ERP29: variants seen among roughly 807,000 people sequenced by gnomAD.
The protein encoded by ERP29 is endoplasmic reticulum protein 29, also known as endoplasmic reticulum resident protein 29.
A neutral mutation model predicts 21.7 loss-of-function variants in ERP29; 14 were observed. That is an observed-to-expected ratio of 0.64 (90% confidence interval 0.43 to 1.01). The LOEUF (loss-of-function observed/expected upper bound fraction) is 1.01, where lower values mean the gene tolerates loss of function less well. Ranked by LOEUF, ERP29 falls within the 50% of genes least tolerant of loss-of-function variation. The probability of loss-of-function intolerance (pLI) is 0.00; values close to 1 mark genes in which losing one functional copy is unlikely to be tolerated. For missense variants in ERP29, 286 were observed against 327.3 expected, an observed-to-expected ratio of 0.87 and a Z score of 0.97; for synonymous variants, 129 against 139.1, an observed-to-expected ratio of 0.93 and a Z score of 0.51.
At chr12:112,018,150 TAGAGAG>T (rs951531568) in intron 1 of ERP29, among the ~76,000 whole-genome samples, 1 of 150,936 alleles carries the variant, frequency 6.6e-6, no homozygotes, top group Non-Finnish European at 1.5e-5. Context: ...TTTTTCTTTT[TAGAGAG>T]AGAGAGAGAG....
At chr12:112,019,712 A>G in intron 1 of ERP29, 44 bp from the exon 2 acceptor site, 6 of 1,613,784 alleles carry the variant, frequency 3.7e-6, no homozygotes, top group Non-Finnish European at 4.2e-6. Context: ...ATTAGCCCCA[A>G]AAGTCCCTGG....
At chr12:112,021,525 T>TTTTTTTTTTTC (rs1230220725) in intron 2 of ERP29, among the ~76,000 whole-genome samples, 1 of 137,088 alleles carries the variant, frequency 7.3e-6, no homozygotes, top group East Asian at 2.4e-4. Context: ...CTTTTTTTTT[T>TTTTTTTTTTTC]TTTTTTTTTT....
chr12:112,013,510 T>C lies in ERP29; in HGVS notation c.45T>C (p.Leu15=), dbSNP rs1293124575. 6.2e-7 allele frequency: 1 copy of C among 1,612,306 alleles called. No individual in the cohort carries two copies. The highest frequency in any genetic ancestry group is 8.5e-7 in the Non-Finnish European group (1 of 1,179,318). Residue 15 remains leucine (L), a synonymous_variant, in exon 1 of 3, where the codon CTT becomes CTC. Coordinates refer to ENST00000261735, the MANE Select transcript of ERP29 (RefSeq NM_006817.4). ...GCGCCGCATTTCTCTCCCCGCTGCT[T>C]CCCCTTCTCCTGGGCTTCCTGCTCC... ...VPRAAFLSPL[L]PLLLGFLLLS...
chr12:112,022,223 C>T lies in ERP29; in HGVS notation c.357C>T (p.Tyr119=). Residue 119 remains tyrosine, a synonymous_variant, in exon 3 of 3, where the codon TAC becomes TAT. Coordinates refer to ENST00000261735, the MANE Select transcript of ERP29 (RefSeq NM_006817.4). ...ACAAAGAGAGCTACCCAGTCTTCTA[C>T]CTCTTCCGGGATGGGGACTTTGAGA... The part of the protein sequence containing the change: ...KLDKESYPVF[Y]LFRDGDFENP... The T allele has an allele frequency of 6.2e-7, 1 of 1,614,096 alleles. No individual in the cohort carries two copies. The highest frequency in any genetic ancestry group is 1.1e-5 in the South Asian group (1 of 91,080).
intron 1 of ERP29, among the ~76,000 whole-genome samples, chr12:112,017,093 A>T (rs2078016508): frequency 6.6e-6 from 1 of 152,176 alleles, no homozygotes; most frequent in Admixed American, 6.5e-5. Context: ...CCTTGAAAGT[A>T]GGTATCCCGT....
At position 112,022,870 on chromosome 12, in the gene ERP29, C is replaced by A. The variant is rs908563156; in HGVS notation, c.*218C>A. ...ATAGCTGGAGCACTTACTCAGGTGG[C>A]TGGTGAAATGACACCTCAGAAGGAA... On this transcript the variant is annotated 3_prime_UTR_variant, in exon 3 of 3. Transcript: ENST00000261735. The A allele has an allele frequency of 1.4e-5, 8 of 571,386 alleles. No homozygotes were observed. The highest frequency in any genetic ancestry group is 4.6e-4 in the Middle Eastern group (1 of 2,180). 35.4% of individuals were successfully genotyped at this position (571,386 alleles called of 1,614,324 possible).
Position 112,013,594 on chromosome 12 carries a change from G to C in ERP29, c.129G>C (p.Thr43=), listed in dbSNP as rs148652429. ...CCAAGGGCGCCCTTCCCCTGGATAC[G>C]GTCACTTTCTACAAGGTAACCGGGG... ...LHTKGALPLD[T]VTFYKVIPKS... is the part of the protein sequence containing the mutation. The change falls in exon 1 of 3, where the codon ACG becomes ACC. Residue 43 remains threonine (T), a synonymous_variant. Coordinates refer to ENST00000261735, the MANE Select transcript of ERP29 (RefSeq NM_006817.4). 7.3e-5 allele frequency: 117 copies of C among 1,598,792 alleles called. No homozygotes were observed. The African/African-American group carries it at 1.4e-3, about 19-fold the overall frequency.
At chr12:112,022,085 C>T (rs1358435861) in intron 2 of ERP29, 65 bp from the exon 3 acceptor site, 1 of 1,536,030 alleles carries the variant, frequency 6.5e-7, no homozygotes, top group Non-Finnish European at 8.9e-7. Context: ...CAGCTAGGTC[C>T]CATAGCAATT....
At chr12:112,016,006 C>T (rs775165207) in intron 1 of ERP29, among the ~76,000 whole-genome samples, 2 of 152,334 alleles carry the variant, frequency 1.3e-5, no homozygotes, top group East Asian at 3.9e-4. Flanking sequence ...ATCTTCCCCC[C>T]AGTCTAAAGT....
At chr12:112,019,711 A>C (rs772059950) in intron 1 of ERP29, 45 bp from the exon 2 acceptor site, 3 of 1,613,698 alleles carry the variant, frequency 1.9e-6, no homozygotes. Flanking sequence ...AATTAGCCCC[A>C]AAAGTCCCTG....
chr12:112,019,519 G>T (rs1450624104), intron 1 of ERP29: 2 of 546,782 alleles, frequency 3.7e-6, no homozygotes, highest in African/African-American at 1.9e-5. Flanking sequence ...TTCTGGACAG[G>T]GTTGTGTATA....
At position 112,020,077 on chromosome 12, in the gene ERP29, T is replaced by C. The variant is rs147254244; in HGVS notation, c.283+183T>C. On this transcript the variant is annotated intron_variant, in intron 2 of 2. Coordinates refer to ENST00000261735, the MANE Select transcript of ERP29 (RefSeq NM_006817.4). Reference sequence around the variant, plus strand: ...CAGTAGGCTTAACCTGAGCAGATTTTGGGACCATGGAATCTAAGCTCAGCT... The same window carrying C: ...CAGTAGGCTTAACCTGAGCAGATTTCGGGACCATGGAATCTAAGCTCAGCT... Among the ~76,000 whole-genome samples, 410 of 152,236 alleles carry C rather than the reference T, an allele frequency of 2.7e-3. 1 individual carries two copies. The highest frequency in any genetic ancestry group is 3.8e-3 in the Non-Finnish European group (256 of 68,000).
intron 1 of ERP29, 67 bp from the exon 2 acceptor site, chr12:112,019,689 C>T: frequency 6.2e-7 from 1 of 1,604,482 alleles, no homozygotes; most frequent in African/African-American, 1.3e-5. Context: ...ACAGGGGCCC[C>T]TTGGGAAGGG....
chr12:112,013,702 G>A, intron 1 of ERP29, 93 bp downstream of exon 1: 1 of 1,357,252 alleles, frequency 7.4e-7, no homozygotes. Flanking sequence ...GGGAGCTGAC[G>A]GGAGGTGGTC....
At chr12:112,022,059 C>A (rs962074476) in intron 2 of ERP29, 91 bp from the exon 3 acceptor site, 1 of 1,347,146 alleles carries the variant, frequency 7.4e-7, no homozygotes, top group Non-Finnish European at 1.0e-6. Context: ...CAAGAAAATT[C>A]TTCTTTCCCT....
intron 1 of ERP29, among the ~76,000 whole-genome samples, chr12:112,014,183 A>G (rs1360671555): frequency 6.6e-6 from 1 of 152,268 alleles, no homozygotes; most frequent in Non-Finnish European, 1.5e-5. Context: ...AGGGGTCCCC[A>G]ACCACCAGGC....
chr12:112,022,766 C>A lies in ERP29; in HGVS notation c.*114C>A. 1 of 1,084,136 alleles carries A rather than the reference C, an allele frequency of 9.2e-7. No homozygotes were observed. Among genetic ancestry groups the A allele is most frequent in the Non-Finnish European group, 1.3e-6 (1 of 759,018 alleles). The allele number at this position is 1,084,136 out of a possible 1,614,324, so 67.2% of individuals were successfully genotyped here. On this transcript the variant is annotated 3_prime_UTR_variant, in exon 3 of 3. Transcript: ENST00000261735. ...GGGTAGTGGGAAAAGTGGTACTAAC[C>A]CACGATTCTGAGCCCTGAGTATGCC...
chr12:112,013,721 C>T, intron 1 of ERP29, 112 bp downstream of exon 1: 1 of 1,214,398 alleles, frequency 8.2e-7, no homozygotes, highest in African/African-American at 1.5e-5. Context: ...TCTGTAGCAA[C>T]GGTCCCAGAG....
At chr12:112,013,879 G>C (rs901784271) in intron 1 of ERP29, among the ~76,000 whole-genome samples, 1 of 152,258 alleles carries the variant, frequency 6.6e-6, no homozygotes, top group Non-Finnish European at 1.5e-5. Flanking sequence ...AGGGAACTGG[G>C]TGCCCCTTCC....
Sources: allele counts gnomAD v4.1 joint callset (sites outside exome capture counted in the v4.1 genomes callset), GRCh38; gene constraint gnomAD v4.1.1; transcripts MANE v1.5; gene names NCBI Gene and HGNC (gene_info 2026-07-23, HGNC 2026-07-21).